Variants in RBFOX1 observed in about 807,000 individuals in gnomAD.
The protein encoded by RBFOX1 is RNA binding fox-1 homolog 1, also known as RNA binding protein fox-1 homolog 1.
A neutral mutation model predicts 57.7 loss-of-function variants in RBFOX1; 8 were observed. The observed-to-expected ratio is 0.14, with a 90% CI of 0.08 to 0.25. The LOEUF is 0.25. Among genes scored for constraint, RBFOX1 ranks in the 10% least tolerant of loss-of-function variants. The probability of loss-of-function intolerance (pLI) is 1.00; values close to 1 mark genes in which losing one functional copy is unlikely to be tolerated. For synonymous variants in RBFOX1, 326 were observed against 222.4 expected, an observed-to-expected ratio of 1.47 and a Z score of -4.15; for missense variants, 611 against 548.5, an observed-to-expected ratio of 1.11 and a Z score of -1.14.
At chr16:7,192,009 T>C (rs918584445) in intron 4 of RBFOX1, among the ~76,000 whole-genome samples, 1 of 152,210 alleles carries the variant, frequency 6.6e-6, no homozygotes, top group Non-Finnish European at 1.5e-5. Context: ...ATGTTCAACA[T>C]CGTTTAACAT....
intron 4 of RBFOX1, among the ~76,000 whole-genome samples, chr16:7,480,189 C>G (rs1023167151): frequency 6.6e-6 from 1 of 152,190 alleles, no homozygotes; most frequent in African/African-American, 2.4e-5. Context: ...GTTTTCTGAG[C>G]TTTGGGTGAG....
At chr16:6,703,286 A>G (rs2062141684) in intron 3 of RBFOX1, among the ~76,000 whole-genome samples, 1 of 148,312 alleles carries the variant, frequency 6.7e-6, no homozygotes, top group African/African-American at 2.4e-5. Flanking sequence ...TTCATAGATA[A>G]GAAAGTGGCT....
intron 2 of RBFOX1, among the ~76,000 whole-genome samples, chr16:5,499,869 G>A (rs1220181600): frequency 2.6e-5 from 4 of 152,118 alleles, no homozygotes; most frequent in Non-Finnish European, 2.9e-5. Flanking sequence ...CACTGTGCCC[G>A]GCCAAGCCCA....
intron 4 of RBFOX1, among the ~76,000 whole-genome samples, chr16:7,082,351 T>C (rs1245174171): frequency 2.0e-5 from 3 of 151,828 alleles, no homozygotes; most frequent in Admixed American, 6.6e-5. Flanking sequence ...GAGGCCGAGG[T>C]GGGTGGATCA....
At chr16:6,308,973 G>T (rs918926263) in intron 1 of RBFOX1, among the ~76,000 whole-genome samples, 4 of 151,986 alleles carry the variant, frequency 2.6e-5, no homozygotes, top group Non-Finnish European at 4.4e-5. Flanking sequence ...GCTTCTACAA[G>T]AATACCTTGA....
At chr16:7,155,344 C>G (rs1458428636) in intron 4 of RBFOX1, among the ~76,000 whole-genome samples, 1 of 151,922 alleles carries the variant, frequency 6.6e-6, no homozygotes, top group Non-Finnish European at 1.5e-5. Flanking sequence ...GATCCTGGCA[C>G]TTTGGGAGGT....
intron 4 of RBFOX1, among the ~76,000 whole-genome samples, chr16:7,164,559 T>C (rs1542549): frequency 6.6e-6 from 1 of 152,038 alleles, no homozygotes; most frequent in African/African-American, 2.4e-5. Context: ...TTATATACTA[T>C]GTGTGAAAAG....
intron 1 of RBFOX1, among the ~76,000 whole-genome samples, chr16:5,436,909 C>G (rs1223932530): frequency 2.0e-5 from 3 of 152,064 alleles, no homozygotes; most frequent in Admixed American, 6.5e-5. Flanking sequence ...CAAGCCATGT[C>G]AATATGTCAG....
intron 2 of RBFOX1, among the ~76,000 whole-genome samples, chr16:6,621,485 C>G (rs116161327): frequency 2.0e-5 from 3 of 151,966 alleles, no homozygotes; most frequent in African/African-American, 7.2e-5. Flanking sequence ...ACAACAACAA[C>G]AACAACAAAA....
chr16:6,003,368 C>T (rs545715353), intron 4 of RBFOX1, among the ~76,000 whole-genome samples: 1 of 152,024 alleles, frequency 6.6e-6, no homozygotes, highest in Middle Eastern at 3.4e-3. Flanking sequence ...GTGAGATCTC[C>T]TGTGCTCCTT....
intron 1 of RBFOX1, among the ~76,000 whole-genome samples, chr16:5,400,418 C>A (rs1567451863): frequency 6.6e-6 from 1 of 152,082 alleles, no homozygotes; most frequent in Non-Finnish European, 1.5e-5. Context: ...CTTTGTACAT[C>A]TCTATGTAAT....
chr16:5,280,668 T>G (rs2063249118), intron 1 of RBFOX1, among the ~76,000 whole-genome samples: 1 of 152,196 alleles, frequency 6.6e-6, no homozygotes, highest in Non-Finnish European at 1.5e-5. Context: ...TGGTAGGCTG[T>G]GTATGTCTGG....
intron 1 of RBFOX1, among the ~76,000 whole-genome samples, chr16:6,121,737 G>C (rs1487740078): frequency 6.6e-6 from 1 of 152,076 alleles, no homozygotes. Flanking sequence ...ACATTTACCA[G>C]CTGGGTGAAG....
At chr16:6,496,932 C>T (rs1207024668) in intron 2 of RBFOX1, among the ~76,000 whole-genome samples, 1 of 152,068 alleles carries the variant, frequency 6.6e-6, no homozygotes, top group African/African-American at 2.4e-5. Context: ...TGCACTCCAG[C>T]CTGGGCAACA....
chr16:7,312,484 C>G (rs750823772), intron 4 of RBFOX1, among the ~76,000 whole-genome samples: 2 of 152,208 alleles, frequency 1.3e-5, no homozygotes, highest in Non-Finnish European at 2.9e-5. Context: ...CCATTTCTCT[C>G]AAATTAACAT....
chr16:5,701,829 C>T (rs901534835), intron 3 of RBFOX1, among the ~76,000 whole-genome samples: 1 of 152,212 alleles, frequency 6.6e-6, no homozygotes, highest in Non-Finnish European at 1.5e-5. Context: ...CAGGCCAGTT[C>T]AGCCTTCCTG....
intron 4 of RBFOX1, among the ~76,000 whole-genome samples, chr16:7,221,562 G>T (rs1290912532): frequency 2.6e-5 from 4 of 151,816 alleles, no homozygotes; most frequent in Non-Finnish European, 4.4e-5. Context: ...AGAAGGGGTC[G>T]CACCATGTTG....
chr16:5,261,852 C>T (rs1283949366), intron 1 of RBFOX1, among the ~76,000 whole-genome samples: 1 of 152,134 alleles, frequency 6.6e-6, no homozygotes, highest in African/African-American at 2.4e-5. Flanking sequence ...ATAAGCCCAG[C>T]CTCATTGTGC....
chr16:7,668,207 T>TACCA (rs1052865091), intron 13 of RBFOX1, among the ~76,000 whole-genome samples: 7 of 152,188 alleles, frequency 4.6e-5, no homozygotes, highest in African/African-American at 1.7e-4. Flanking sequence ...TTTCCATGCC[T>TACCA]ACCACCTGAG....
Sources: gnomAD v4.1 joint callset for allele counts (sites outside exome capture counted in the v4.1 genomes callset) on GRCh38, gnomAD v4.1.1 for gene constraint, MANE v1.5 for transcripts, NCBI Gene and HGNC (gene_info 2026-07-23, HGNC 2026-07-21) for gene names.